Variants in PTPRO observed in about 807,000 individuals in gnomAD.
The protein encoded by PTPRO is protein tyrosine phosphatase receptor type O.
In PTPRO, 62 loss-of-function variants were observed where a neutral mutation model predicts 145.2. That is an observed-to-expected ratio of 0.43 (90% CI 0.35 to 0.53). The LOEUF is 0.53. PTPRO is among the 20% of genes least tolerant of loss of function. The probability of loss-of-function intolerance (pLI) is 0.01; values close to 1 mark genes in which losing one functional copy is unlikely to be tolerated. For synonymous variants in PTPRO, 565 were observed against 514.7 expected (o/e 1.10, Z -1.32); for missense variants, 1,345 against 1,482.7 (o/e 0.91, Z 1.53).
chr12:15,340,608 T>A (rs1365388483), intron 1 of PTPRO, among the ~76,000 whole-genome samples: 1 of 152,242 alleles, frequency 6.6e-6, no homozygotes, highest in Non-Finnish European at 1.5e-5. Context: ...ATAGATTTGA[T>A]GCTTCTGTAC....
intron 19 of PTPRO, among the ~76,000 whole-genome samples, chr12:15,575,282 G>A (rs1020194947): frequency 6.6e-6 from 1 of 152,166 alleles, no homozygotes; most frequent in African/African-American, 2.4e-5. Flanking sequence ...TTGAATCTCA[G>A]GTTCCACACA....
At chr12:15,462,830 G>A (rs1941335653) in intron 1 of PTPRO, among the ~76,000 whole-genome samples, 1 of 151,690 alleles carries the variant, frequency 6.6e-6, no homozygotes, top group African/African-American at 2.4e-5. Flanking sequence ...AGTCAGTATG[G>A]GCTTAATTAT....
chr12:15,453,703 A>C (rs2136383367), intron 1 of PTPRO, among the ~76,000 whole-genome samples: 1 of 152,218 alleles, frequency 6.6e-6, no homozygotes, highest in African/African-American at 2.4e-5. Flanking sequence ...GCATAACTGA[A>C]ACTTTATAGC....
intron 1 of PTPRO, among the ~76,000 whole-genome samples, chr12:15,471,298 T>C (rs2049250444): frequency 6.6e-6 from 1 of 152,122 alleles, no homozygotes; most frequent in South Asian, 2.1e-4. Flanking sequence ...GAGGATCACT[T>C]GAGCCTGGGG....
At chr12:15,402,887 A>G (rs1351136228) in intron 1 of PTPRO, among the ~76,000 whole-genome samples, 1 of 152,198 alleles carries the variant, frequency 6.6e-6, no homozygotes, top group Admixed American at 6.5e-5. Context: ...ACATAAAACT[A>G]AAAAGAACCT....
chr12:15,430,075 G>T (rs11056479), intron 1 of PTPRO, among the ~76,000 whole-genome samples: 1 of 151,832 alleles, frequency 6.6e-6, no homozygotes, highest in African/African-American at 2.4e-5. Context: ...GTTCAAGTAG[G>T]CATTTCAGAT....
At chr12:15,586,265 G>A (rs996644905) in intron 23 of PTPRO, among the ~76,000 whole-genome samples, 7 of 152,158 alleles carry the variant, frequency 4.6e-5, no homozygotes, top group African/African-American at 1.7e-4. Context: ...CAGAGAAGAA[G>A]CCCTACAGAG....
intron 1 of PTPRO, among the ~76,000 whole-genome samples, chr12:15,482,924 G>A (rs1157886402): frequency 6.6e-6 from 1 of 152,138 alleles, no homozygotes; most frequent in African/African-American, 2.4e-5. Context: ...CTGAGCCTCA[G>A]TTTCCTCAGC....
chr12:15,338,786 T>C (rs1467011673), intron 1 of PTPRO, among the ~76,000 whole-genome samples: 1 of 152,194 alleles, frequency 6.6e-6, no homozygotes, highest in African/African-American at 2.4e-5. Flanking sequence ...TTACAAGGTT[T>C]GAGTAAAACA....
chr12:15,357,511 TC>T (rs1462752575), intron 1 of PTPRO, among the ~76,000 whole-genome samples: 1 of 152,016 alleles, frequency 6.6e-6, no homozygotes, highest in Non-Finnish European at 1.5e-5. Context: ...ATATCCAGAA[TC>T]TACAATGAAC....
intron 1 of PTPRO, among the ~76,000 whole-genome samples, chr12:15,415,389 T>A (rs1431564546): frequency 6.9e-6 from 1 of 145,214 alleles, no homozygotes; most frequent in Non-Finnish European, 1.5e-5. Flanking sequence ...GAAATGAATT[T>A]TTTTTTTTTT....
Position 15,597,905 on chromosome 12 carries a change from A to G in PTPRO, c.*1832A>G, listed in dbSNP as rs1944690305. On this transcript the variant is annotated 3_prime_UTR_variant, in exon 27 of 27. Coordinates refer to ENST00000281171, the MANE Select transcript of PTPRO (RefSeq NM_030667.3). ...ATGTGTGACATTCTTAGATTTTCAC[A>G]CATGGGCAGTCAGGAGTGAAATGTG... 6.6e-6 allele frequency among the ~76,000 whole-genome samples: 1 copy of G among 152,216 alleles called. No homozygotes were observed. Among genetic ancestry groups the G allele is most frequent in the Admixed American group, 6.5e-5 (1 of 15,274 alleles).
At chr12:15,474,385 G>C (rs569328298) in intron 1 of PTPRO, among the ~76,000 whole-genome samples, 7 of 152,222 alleles carry the variant, frequency 4.6e-5, no homozygotes, top group African/African-American at 1.7e-4. Context: ...AGGCTCCTGG[G>C]CTCCCCTTCT....
intron 1 of PTPRO, among the ~76,000 whole-genome samples, chr12:15,436,025 T>A (rs1044785126): frequency 3.3e-5 from 5 of 152,224 alleles, no homozygotes; most frequent in Non-Finnish European, 7.3e-5. Context: ...CCTGAATGAC[T>A]ACTGGATACA....
At position 15,423,567 on chromosome 12, in the gene PTPRO, T is replaced by C. The variant is rs1210500099; in HGVS notation, c.76-60407T>C. On this transcript the variant is annotated intron_variant, in intron 1 of 26. Transcript: ENST00000281171. ...TAATCAGATATTAGTCACCATTCTT[T>C]ATATAAACCCAATGTTACTAATTAC... Among the ~76,000 whole-genome samples, 4 of 152,212 alleles carry C rather than the reference T, an allele frequency of 2.6e-5. No individual in the cohort carries two copies. In the South Asian group the frequency reaches 8.3e-4, roughly 32 times the overall value.
chr12:15,593,849 T>C (rs932800595), intron 25 of PTPRO, among the ~76,000 whole-genome samples: 1 of 152,176 alleles, frequency 6.6e-6, no homozygotes, highest in South Asian at 2.1e-4. Flanking sequence ...GTCCACTACA[T>C]AGATAGAAAA....
chr12:15,578,818 A>T, intron 19 of PTPRO, 35 bp from the exon 20 acceptor site: 1 of 1,468,076 alleles, frequency 6.8e-7, no homozygotes, highest in East Asian at 2.3e-5. Context: ...CACACCACGT[A>T]TGGAACTCTC....
intron 17 of PTPRO, among the ~76,000 whole-genome samples, chr12:15,563,256 A>G (rs1232476388): frequency 6.6e-6 from 1 of 152,086 alleles, no homozygotes; most frequent in Non-Finnish European, 1.5e-5. Context: ...GATTTGGAAA[A>G]TCTTTTGCAA....
intron 16 of PTPRO, among the ~76,000 whole-genome samples, chr12:15,558,849 A>G (rs1943704654): frequency 6.6e-6 from 1 of 152,208 alleles, no homozygotes; most frequent in African/African-American, 2.4e-5. Flanking sequence ...TTCTTTTAAT[A>G]AGGCAATATG....
Sources: allele counts gnomAD v4.1 joint callset (sites outside exome capture counted in the v4.1 genomes callset), GRCh38; gene constraint gnomAD v4.1.1; transcripts MANE v1.5; gene names NCBI Gene and HGNC (gene_info 2026-07-23, HGNC 2026-07-21).